Variants in ZNF254 observed in about 807,000 individuals in gnomAD.
ZNF254 encodes the protein CTD-2017D11.1.
Under a neutral mutation model 12.4 loss-of-function variants are expected in ZNF254, and 10 were observed. The ratio of observed to expected loss-of-function variants is 0.80; its 90% CI spans 0.50 to 1.36. ZNF254 has a LOEUF of 1.36. Ranked by LOEUF, ZNF254 falls within the 40% of genes most tolerant of loss-of-function variation. The pLI is 0.00. For missense variants in ZNF254, 996 were observed against 763.9 expected (o/e 1.30, Z -3.58); for synonymous variants, 305 against 253.4 (o/e 1.20, Z -1.93).
intron 2 of ZNF254, among the ~76,000 whole-genome samples, chr19:24,055,258 CAG>C (rs111576494): frequency 0.31 from 41,038 of 133,626 alleles, 7,566 homozygotes; most frequent in African/African-American, 0.51. Flanking sequence ...ACCCAGCACA[CAG>C]AGGAGATTTT....
In ZNF254 at chr19:24,071,193, A is replaced by G. The variant is rs73524110; in HGVS notation, c.-94+24914A>G. On this transcript the variant is annotated intron_variant, in intron 2 of 4. Transcript: ENST00000613065. Reference sequence around the variant, plus strand: ...TTACATAGGCTTTTCCCTAAGAGACATTGTAACATATCTGGGCCAAGCACC... The same window carrying G: ...TTACATAGGCTTTTCCCTAAGAGACGTTGTAACATATCTGGGCCAAGCACC... 4.0e-3 allele frequency among the ~76,000 whole-genome samples: 606 copies of G among 152,214 alleles called. 1 individual carries two copies. The highest frequency in any genetic ancestry group is 0.014 in the African/African-American group (584 of 41,556).
At chr19:24,057,013 A>T (rs144321888) in intron 2 of ZNF254, among the ~76,000 whole-genome samples, 1 of 152,340 alleles carries the variant, frequency 6.6e-6, no homozygotes, top group African/African-American at 2.4e-5. Context: ...ATCTGAAACC[A>T]GTCAATAGGA....
chr19:24,058,526 G>A (rs1296327246), intron 2 of ZNF254, among the ~76,000 whole-genome samples: 1 of 151,468 alleles, frequency 6.6e-6, no homozygotes, highest in African/African-American at 2.4e-5. Flanking sequence ...TTCTGTCTCA[G>A]CCTCCCAAGT....
In ZNF254 at chr19:24,127,695, G is replaced by C. The variant is rs568843707; in HGVS notation, c.1695G>C (p.Lys565Asn). Reference sequence around the variant, plus strand: ...AGTCTTCAATCCTTACTAACCATAAGAGAATTCATACTGGAGAGAAACCCT... The same window carrying C: ...AGTCTTCAATCCTTACTAACCATAACAGAATTCATACTGGAGAGAAACCCT... ...FKQSSILTNHKRIHTGEKPYK... is the reference protein window; with the variant it reads ...FKQSSILTNHNRIHTGEKPYK... The change falls in exon 4 of 4, where the codon AAG becomes AAC. Residue 565 changes from lysine to asparagine, a missense_variant. Transcript: ENST00000357002. 1.2e-6 allele frequency: 2 copies of C among 1,613,320 alleles called. No homozygotes were observed. Among genetic ancestry groups the C allele is most frequent in the Admixed American group, 1.7e-5 (1 of 59,898 alleles).
At chr19:24,113,128 C>G (rs145095391) in intron 3 of ZNF254, among the ~76,000 whole-genome samples, 1 of 152,194 alleles carries the variant, frequency 6.6e-6, no homozygotes, top group Non-Finnish European at 1.5e-5. Context: ...ACCATTCCTT[C>G]TGAAACTATT....
At chr19:24,124,546 A>G (rs1220813920) in intron 3 of ZNF254, among the ~76,000 whole-genome samples, 2 of 152,082 alleles carry the variant, frequency 1.3e-5, no homozygotes, top group African/African-American at 2.4e-5. Flanking sequence ...CATTTCCAAT[A>G]TACTTTTTTA....
intron 3 of ZNF254, among the ~76,000 whole-genome samples, chr19:24,109,661 C>T (rs1973543411): frequency 6.6e-6 from 1 of 150,840 alleles, no homozygotes; most frequent in Admixed American, 6.6e-5. Flanking sequence ...TTATAGTTTA[C>T]TTGTATATAT....
At chr19:24,098,303 A>G (rs1245550390) in intron 1 of ZNF254, 1 of 152,230 alleles carries the variant, frequency 6.6e-6, no homozygotes, top group Non-Finnish European at 1.5e-5. Context: ...GAATGCTGCT[A>G]TTACAGGACA....
chr19:24,105,269 G>A (rs1036622869), intron 1 of ZNF254: 3 of 165,370 alleles, frequency 1.8e-5, no homozygotes, highest in African/African-American at 7.3e-5. Context: ...TTTGTTTTTT[G>A]TCTTTTTCTT....
At chr19:24,060,393 G>C (rs901243618) in intron 2 of ZNF254, among the ~76,000 whole-genome samples, 1 of 152,146 alleles carries the variant, frequency 6.6e-6, no homozygotes, top group Non-Finnish European at 1.5e-5. Context: ...TATTTTGCCT[G>C]GCCCTGCCCT....
In ZNF254 at chr19:24,128,026, A is replaced by G; in HGVS notation, c.*46A>G. On this transcript the variant is annotated 3_prime_UTR_variant, in exon 4 of 4. Coordinates refer to ENST00000357002, the MANE Select transcript of ZNF254 (RefSeq NM_203282.4). ...AAAACCCTCAATTCTTAATAGATAT[A>G]AGATTATTCCTACTGGAGAGAAACT... 2 of 1,481,584 alleles carry G rather than the reference A, an allele frequency of 1.3e-6. No homozygotes were observed. The highest frequency in any genetic ancestry group is 2.3e-5 in the East Asian group (1 of 43,610). The allele number at this position is 1,481,584 out of a possible 1,614,324, so 91.8% of individuals were successfully genotyped here.
chr19:24,116,095 G>C (rs1974050071), intron 3 of ZNF254, among the ~76,000 whole-genome samples: 1 of 152,158 alleles, frequency 6.6e-6, no homozygotes, highest in Admixed American at 6.5e-5. Context: ...CCCTTTGTGG[G>C]TAGTCCGACC....
intron 1 of ZNF254, among the ~76,000 whole-genome samples, chr19:24,094,271 T>G (rs1040045538): frequency 1.3e-5 from 2 of 150,728 alleles, no homozygotes; most frequent in African/African-American, 5.0e-5. Flanking sequence ...TATTTTTATT[T>G]TTATTTTTTT....
At chr19:24,096,130 A>G (rs974748314) in intron 1 of ZNF254, among the ~76,000 whole-genome samples, 2 of 150,146 alleles carry the variant, frequency 1.3e-5, no homozygotes, top group African/African-American at 4.9e-5. Flanking sequence ...CACAGTCTCA[A>G]CTCACAGCAA....
At chr19:24,113,633 G>A (rs1973847004) in intron 3 of ZNF254, among the ~76,000 whole-genome samples, 1 of 152,180 alleles carries the variant, frequency 6.6e-6, no homozygotes, top group Non-Finnish European at 1.5e-5. Context: ...ACAAGACAGG[G>A]ATGCCCTCTC....
At chr19:24,089,972 C>G (rs868009184) in intron 1 of ZNF254, among the ~76,000 whole-genome samples, 2 of 149,494 alleles carry the variant, frequency 1.3e-5, no homozygotes, top group Non-Finnish European at 3.0e-5. Flanking sequence ...GGGTGGATCA[C>G]GAAGTCAGGA....
At chr19:24,102,852 T>G (rs1973115689) in intron 1 of ZNF254, among the ~76,000 whole-genome samples, 1 of 152,148 alleles carries the variant, frequency 6.6e-6, no homozygotes, top group Non-Finnish European at 1.5e-5. Context: ...TCTGTGTCCT[T>G]CTCATCTGTC....
intron 3 of ZNF254, among the ~76,000 whole-genome samples, chr19:24,111,624 G>A (rs1350525722): frequency 6.6e-6 from 1 of 152,178 alleles, no homozygotes; most frequent in Non-Finnish European, 1.5e-5. Context: ...GTTGTTTCCT[G>A]ACTTTTTAAT....
intron 2 of ZNF254, among the ~76,000 whole-genome samples, chr19:24,048,086 A>C (rs958766495): frequency 7.4e-6 from 1 of 134,296 alleles, no homozygotes; most frequent in African/African-American, 2.9e-5. Flanking sequence ...TAGTCGCCAG[A>C]GGGACAGCTT....
Sources: allele counts gnomAD v4.1 joint callset (sites outside exome capture counted in the v4.1 genomes callset), GRCh38; gene constraint gnomAD v4.1.1; transcripts MANE v1.5; gene names NCBI Gene and HGNC (gene_info 2026-07-23, HGNC 2026-07-21).